The following DSTN variants were observed in gnomAD, a reference collection of about 807,000 sequenced individuals.
The protein encoded by DSTN is destrin, actin depolymerizing factor, also known as destrin.
A neutral mutation model predicts 16.8 loss-of-function variants in DSTN; 10 were observed. The ratio of observed to expected loss-of-function variants is 0.60; its 90% CI spans 0.37 to 1.01. The LOEUF (loss-of-function observed/expected upper bound fraction) is 1.01. DSTN is among the 50% of genes least tolerant of loss of function. DSTN has a pLI of 0.01. For missense variants in DSTN, 141 were observed against 196.7 expected, an observed-to-expected ratio of 0.72 and a Z score of 1.69; for synonymous variants, 57 against 58.9, an observed-to-expected ratio of 0.97 and a Z score of 0.14.
intron 1 of DSTN, among the ~76,000 whole-genome samples, chr20:17,580,322 A>G (rs962263332): frequency 6.6e-6 from 1 of 152,256 alleles, no homozygotes; most frequent in Non-Finnish European, 1.5e-5. Context: ...TTGTATGTCA[A>G]GAACTGGTCC....
chr20:17,598,275 T>A (rs186386973), intron 1 of DSTN, among the ~76,000 whole-genome samples: 15 of 152,318 alleles, frequency 9.8e-5, no homozygotes, highest in African/African-American at 3.6e-4. Context: ...CCAAACTGTT[T>A]GCCAAAGCAG....
At chr20:17,590,391 T>TC (rs2035456713) in intron 1 of DSTN, among the ~76,000 whole-genome samples, 1 of 152,204 alleles carries the variant, frequency 6.6e-6, no homozygotes, top group East Asian at 1.9e-4. Context: ...CAGAGGAGAC[T>TC]CAGACAGGTT....
intron 1 of DSTN, among the ~76,000 whole-genome samples, chr20:17,575,261 TATTTG>T (rs1270024157): frequency 6.6e-6 from 1 of 152,174 alleles, no homozygotes; most frequent in Non-Finnish European, 1.5e-5. Context: ...CTTTCAGTAA[TATTTG>T]AGATGAAGCA....
At chr20:17,576,048 T>C (rs528433608) in intron 1 of DSTN, among the ~76,000 whole-genome samples, 16 of 152,322 alleles carry the variant, frequency 1.1e-4, no homozygotes, top group South Asian at 4.1e-4. Flanking sequence ...AATTTTACAA[T>C]TGGGAGAGGC....
At chr20:17,570,353 G>A (rs1412135925) in intron 1 of DSTN, 142 bp downstream of exon 1, 121 of 1,185,430 alleles carry the variant, frequency 1.0e-4, no homozygotes, top group Non-Finnish European at 1.3e-4. Context: ...CCGGGCTGCG[G>A]GTGAGGGGGG....
At chr20:17,584,593 A>C (rs2035385847) in intron 1 of DSTN, among the ~76,000 whole-genome samples, 1 of 151,452 alleles carries the variant, frequency 6.6e-6, no homozygotes, top group South Asian at 2.1e-4. Context: ...CGGAAGTTGC[A>C]GTGAGCCGAG....
intron 1 of DSTN, chr20:17,576,218 T>G (rs1011474300): frequency 6.6e-6 from 1 of 152,272 alleles, no homozygotes; most frequent in Non-Finnish European, 1.5e-5. Flanking sequence ...GCTGATACTG[T>G]AATACTTACA....
intron 1 of DSTN, among the ~76,000 whole-genome samples, chr20:17,593,005 C>G (rs946218321): frequency 6.6e-6 from 1 of 152,156 alleles, no homozygotes; most frequent in African/African-American, 2.4e-5. Context: ...CAACTCTGTT[C>G]CTCTTACTCT....
intron 1 of DSTN, among the ~76,000 whole-genome samples, chr20:17,600,526 G>A (rs1053423764): frequency 5.9e-5 from 9 of 152,124 alleles, no homozygotes; most frequent in African/African-American, 2.2e-4. Flanking sequence ...CCTTACCCCT[G>A]TGCAGTAGTG....
intron 1 of DSTN, among the ~76,000 whole-genome samples, chr20:17,574,993 A>C (rs188969030): frequency 1.4e-5 from 2 of 146,266 alleles, no homozygotes; most frequent in African/African-American, 5.1e-5. Context: ...AGTAGCTGGG[A>C]CTACAGATGT....
chr20:17,575,250 T>C (rs1259623161), intron 1 of DSTN, among the ~76,000 whole-genome samples: 4 of 151,980 alleles, frequency 2.6e-5, no homozygotes, highest in Non-Finnish European at 5.9e-5. Context: ...CTTTATATTT[T>C]CTTTCAGTAA....
chr20:17,596,931 T>C (rs2035532586), intron 1 of DSTN: 1 of 628,640 alleles, frequency 1.6e-6, no homozygotes, highest in Non-Finnish European at 2.0e-6. Context: ...TAGATATTGA[T>C]TGATGTATTT....
At chr20:17,586,860 T>C (rs1212463343) in intron 1 of DSTN, among the ~76,000 whole-genome samples, 2 of 152,214 alleles carry the variant, frequency 1.3e-5, no homozygotes, top group East Asian at 1.9e-4. Context: ...TTACAGATGA[T>C]GAAGCTGAGG....
At chr20:17,591,186 A>G (rs1009492705) in intron 1 of DSTN, among the ~76,000 whole-genome samples, 2 of 152,228 alleles carry the variant, frequency 1.3e-5, no homozygotes, top group East Asian at 3.8e-4. Flanking sequence ...AAAAGATAAT[A>G]AATATCTGTA....
chr20:17,575,656 A>G (rs2035270538), intron 1 of DSTN, among the ~76,000 whole-genome samples: 1 of 152,108 alleles, frequency 6.6e-6, no homozygotes, highest in South Asian at 2.1e-4. Context: ...AAAGCTTTAC[A>G]TATATAAAGA....
chr20:17,601,189 C>A, intron 2 of DSTN, 144 bp downstream of exon 2: 2 of 1,059,890 alleles, frequency 1.9e-6, no homozygotes, highest in Non-Finnish European at 2.6e-6. Flanking sequence ...CATAATGTTA[C>A]CAGGGCTGAT....
chr20:17,578,606 A>C (rs1318145202), intron 1 of DSTN, among the ~76,000 whole-genome samples: 2 of 152,174 alleles, frequency 1.3e-5, no homozygotes, highest in Non-Finnish European at 2.9e-5. Flanking sequence ...AAACCGTGGA[A>C]TTTCATGCTC....
At chr20:17,601,162 T>C in intron 2 of DSTN, 117 bp downstream of exon 2, 1 of 1,289,868 alleles carries the variant, frequency 7.8e-7, no homozygotes, top group Non-Finnish European at 1.0e-6. Flanking sequence ...TGTCATTTAA[T>C]TTTTATTTAC....
intron 1 of DSTN, chr20:17,576,056 G>A (rs1039047986): frequency 1.3e-5 from 2 of 152,136 alleles, no homozygotes; most frequent in African/African-American, 4.8e-5. Flanking sequence ...AATTGGGAGA[G>A]GCATAGACTT....
Sources: gnomAD v4.1 joint callset for allele counts (sites outside exome capture counted in the v4.1 genomes callset) on GRCh38, gnomAD v4.1.1 for gene constraint, MANE v1.5 for transcripts, NCBI Gene and HGNC (gene_info 2026-07-23, HGNC 2026-07-21) for gene names.